DNAH1: variants seen among roughly 807,000 people sequenced by gnomAD.
DNAH1 encodes dynein axonemal heavy chain 1, also known as axonemal beta dynein heavy chain 1.
In DNAH1, 327 loss-of-function variants were observed where a neutral mutation model predicts 484.3. The ratio of observed to expected loss-of-function variants is 0.68; its 90% CI spans 0.62 to 0.74. The LOEUF (loss-of-function observed/expected upper bound fraction) is 0.74, where lower values mean the gene tolerates loss of function less well. DNAH1 is among the 30% of genes least tolerant of loss of function. The probability of loss-of-function intolerance (pLI) is 0.00; values close to 1 mark genes in which losing one functional copy is unlikely to be tolerated. For synonymous variants in DNAH1, 2,192 were observed against 2,191.9 expected (o/e 1.00, Z 0.00); for missense variants, 5,052 against 5,546.8 (o/e 0.91, Z 2.83).
chr3:52,340,213 G>A (rs1054131797), intron 8 of DNAH1, among the ~76,000 whole-genome samples: 11 of 152,082 alleles, frequency 7.2e-5, no homozygotes, highest in African/African-American at 1.7e-4. Flanking sequence ...CTCCCTGGTA[G>A]CTGGGACTAC....
upstream of DNAH1, among the ~76,000 whole-genome samples, chr3:52,314,168 G>A (rs1236445741): frequency 6.6e-6 from 1 of 152,226 alleles, no homozygotes; most frequent in African/African-American, 2.4e-5. Flanking sequence ...TCCAGCTGAC[G>A]CTCACCAAAC....
intron 76 of DNAH1, 53 bp from the exon 77 acceptor site, chr3:52,399,492 C>A (rs756328361): frequency 1.1e-5 from 17 of 1,494,506 alleles, no homozygotes; most frequent in Non-Finnish European, 1.5e-5. Flanking sequence ...TGCCTCCTAA[C>A]CCAGATTCTG....
chr3:52,386,997 A>G, intron 56 of DNAH1, 144 bp downstream of exon 56: 1 of 870,480 alleles, frequency 1.1e-6, no homozygotes, highest in Non-Finnish European at 1.7e-6. Flanking sequence ...CCACCTCCAC[A>G]CCACCAGCAC....
intron 52 of DNAH1, 124 bp downstream of exon 52, chr3:52,384,155 CTG>C (rs1703993703): frequency 6.8e-6 from 7 of 1,032,538 alleles, no homozygotes; most frequent in South Asian, 3.5e-5. Flanking sequence ...TTTGGTCAGG[CTG>C]TGTTTCCTGT....
chr3:52,373,235 G>GGCT (rs1559544927), intron 44 of DNAH1, among the ~76,000 whole-genome samples, 182 bp downstream of exon 44: 2 of 152,210 alleles, frequency 1.3e-5, no homozygotes, highest in African/African-American at 4.8e-5. Context: ...CCGCCGCCAC[G>GGCT]GCTGCCGCAG....
At position 52,360,380 on chromosome 3, in the gene DNAH1, C is replaced by T; in HGVS notation, c.4641C>T (p.Tyr1547=). ...VNAEFIYGYE[Y]LGNSGRLVIT... ...CTGAGTTCATCTATGGCTATGAGTA[C>T]CTGGGCAACAGTGGGAGGCTGGTGA... The change falls in exon 28 of 78, where the codon TAC becomes TAT. Residue 1547 remains tyrosine (Y), a synonymous_variant. Coordinates refer to ENST00000420323, the MANE Select transcript of DNAH1 (RefSeq NM_015512.5). The T allele has an allele frequency of 6.2e-7, 1 of 1,614,002 alleles. No individual in the cohort carries two copies. Among genetic ancestry groups the T allele is most frequent in the South Asian group, 1.1e-5 (1 of 91,080 alleles).
At chr3:52,390,878 T>C (rs952552070) in intron 60 of DNAH1, 57 bp from the exon 61 acceptor site, 1 of 1,548,016 alleles carries the variant, frequency 6.5e-7, no homozygotes. Flanking sequence ...GCTGATGCCC[T>C]CAGTGACCCT....
rs2153224816 is a variant in DNAH1 at position 52,373,031 on chromosome 3, C to A, written c.6963C>A (p.Gly2321=). The change falls in exon 44 of 78, where the codon GGC becomes GGA. Residue 2321 remains glycine, a synonymous_variant. Coordinates refer to ENST00000420323, the MANE Select transcript of DNAH1 (RefSeq NM_015512.5). ...ELLRQWMDHG[G]WYDRKIIGAF... ...TGCGCCAGTGGATGGACCACGGCGG[C>A]TGGTACGACCGCAAGATCATTGGTG... 1.2e-6 allele frequency: 2 copies of A among 1,612,514 alleles called. No individual in the cohort carries two copies. Among genetic ancestry groups the A allele is most frequent in the African/African-American group, 2.7e-5 (2 of 75,066 alleles).
At chr3:52,345,298 C>T (rs1702097884) in intron 9 of DNAH1, among the ~76,000 whole-genome samples, 197 bp from the exon 10 acceptor site, 1 of 152,166 alleles carries the variant, frequency 6.6e-6, no homozygotes, top group South Asian at 2.1e-4. Context: ...CTTTACCCAT[C>T]TCAGAGTAGG....
chr3:52,345,026 C>T (rs1036874450), intron 9 of DNAH1, among the ~76,000 whole-genome samples: 1 of 152,214 alleles, frequency 6.6e-6, no homozygotes, highest in Admixed American at 6.5e-5. Context: ...GCCCAAGAAC[C>T]CTCCTTGCTT....
chr3:52,388,258 C>T lies in DNAH1; in HGVS notation c.9095C>T (p.Ala3032Val). The change falls in exon 57 of 78, where the codon GCT becomes GTT. Residue 3032 changes from alanine (A) to valine (V), a missense_variant. Around this residue, in one of 4 missense-constraint regions of DNAH1, gnomAD observed 2,929 missense variants for 3,409.4 expected, o/e 0.86. Coordinates refer to ENST00000420323, the MANE Select transcript of DNAH1 (RefSeq NM_015512.5). Reference sequence around the variant, plus strand: ...GCCACCATTGCCAAGGTGTCCAAGGCTTGCACCTCCATCTGCCAGTGGGTG... The same window carrying T: ...GCCACCATTGCCAAGGTGTCCAAGGTTTGCACCTCCATCTGCCAGTGGGTG... ...QPATIAKVSK[A>V]CTSICQWVRA... 6.2e-7 allele frequency: 1 copy of T among 1,603,648 alleles called. No individual in the cohort carries two copies. Among genetic ancestry groups the T allele is most frequent in the Non-Finnish European group, 8.5e-7 (1 of 1,175,174 alleles).
In DNAH1 at chr3:52,370,170, C is replaced by A. The variant is rs751544817; in HGVS notation, c.6199C>A (p.Leu2067Met). 1 of 1,614,042 alleles carries A rather than the reference C, an allele frequency of 6.2e-7. No homozygotes were observed. Among genetic ancestry groups the A allele is most frequent in the South Asian group, 1.1e-5 (1 of 91,084 alleles). ...GGTGATCGCCTCAACCAACTGCAAC[C>A]TGACCATGAGCCTCCTCAAGCTGCT... Reference protein sequence around the residue: ...KEVIASTNCNLTMSLLKLLDC... With the variant: ...KEVIASTNCNMTMSLLKLLDC... Residue 2067 changes from leucine (L) to methionine (M), a missense_variant, in exon 39 of 78, where the codon CTG (leucine) becomes ATG (methionine). Leu to Met is a conservative substitution (Grantham distance 15). This residue lies in a region of DNAH1 where 2,929 missense variants were observed against 3,409.4 expected (regional missense o/e 0.86). Transcript: ENST00000420323.
rs375219203 is a variant in DNAH1 at position 52,370,754 on chromosome 3, G to T, written c.6454G>T (p.Asp2152Tyr). ...LLFPEEGLVF[D>Y]YRLEDAGISG... ...TTTCCCAGAAGAGGGGCTGGTGTTC[G>T]ATTACAGGCTGGAGGACGCGGGCAT... The change falls in exon 41 of 78, where the codon GAT becomes TAT. Residue 2152 changes from aspartate to tyrosine, a missense_variant. Coordinates refer to ENST00000420323, the MANE Select transcript of DNAH1 (RefSeq NM_015512.5). 333 of 1,607,776 alleles carry T rather than the reference G, an allele frequency of 2.1e-4. No individual in the cohort carries two copies. Among genetic ancestry groups the T allele is most frequent in the Non-Finnish European group, 2.1e-4 (249 of 1,177,414 alleles).
chr3:52,361,634 C>T lies in DNAH1; in HGVS notation c.4875-27C>T, dbSNP rs1424643496. The T allele has an allele frequency of 6.3e-7, 1 of 1,576,284 alleles. No homozygotes were observed. The highest frequency in any genetic ancestry group is 2.3e-5 in the East Asian group (1 of 42,846). ...CAGATTGGGCTCTGAACACATGTGC[C>T]CCATCCAATGTTCCGGCCTCACTCA... On this transcript the variant is annotated intron_variant, in intron 29 of 77. Coordinates refer to ENST00000420323, the MANE Select transcript of DNAH1 (RefSeq NM_015512.5). The surrounding 1 kb of genome is among the most constrained non-coding windows in gnomAD (Gnocchi z 5.6).
At chr3:52,339,656 T>C (rs546362014) in intron 8 of DNAH1, among the ~76,000 whole-genome samples, 6 of 152,230 alleles carry the variant, frequency 3.9e-5, no homozygotes, top group African/African-American at 9.6e-5. Flanking sequence ...CTTTTTCTTA[T>C]AGAAGCAAAT....
intron 44 of DNAH1, chr3:52,374,757 A>T: frequency 1.7e-6 from 2 of 1,165,294 alleles, no homozygotes; most frequent in Non-Finnish European, 2.6e-6. Context: ...GTTCATAGAG[A>T]TGGAACAAAA....
chr3:52,383,236 C>A, intron 50 of DNAH1, 150 bp from the exon 51 acceptor site: 1 of 689,024 alleles, frequency 1.5e-6, no homozygotes, highest in Non-Finnish European at 2.5e-6. Context: ...ACAGGCTAGT[C>A]TGTTATGAGG....
chr3:52,313,825 A>G (rs1473907647), upstream of DNAH1, among the ~76,000 whole-genome samples: 1 of 152,106 alleles, frequency 6.6e-6, no homozygotes, highest in Non-Finnish European at 1.5e-5. Flanking sequence ...TGTCCCTCAC[A>G]CCACTCTGTA....
At chr3:52,338,493 T>A (rs1373953337) in intron 8 of DNAH1, among the ~76,000 whole-genome samples, 2 of 152,192 alleles carry the variant, frequency 1.3e-5, no homozygotes, top group African/African-American at 4.8e-5. Context: ...TACAATAAAC[T>A]CTATTAAACG....
Sources: allele counts gnomAD v4.1 joint callset (sites outside exome capture counted in the v4.1 genomes callset), GRCh38; gene constraint gnomAD v4.1.1; regional missense constraint gnomAD v4.1.1; non-coding constraint Gnocchi (gnomAD v3.1); transcripts MANE v1.5; gene names NCBI Gene and HGNC (gene_info 2026-07-23, HGNC 2026-07-21).